RBMS3: variants seen among roughly 807,000 people sequenced by gnomAD.
RBMS3 encodes RNA binding motif single stranded interacting protein 3.
RBMS3 carries 27 observed loss-of-function variants against 66.8 expected under a neutral mutation model. The ratio of observed to expected loss-of-function variants is 0.40; its 90% CI spans 0.30 to 0.56. RBMS3 has a LOEUF of 0.56. Among genes scored for constraint, RBMS3 ranks in the 20% least tolerant of loss-of-function variants. The probability of loss-of-function intolerance (pLI) is 0.40; values close to 1 mark genes in which losing one functional copy is unlikely to be tolerated. For synonymous variants in RBMS3, 188 were observed against 183.0 expected (o/e 1.03, Z -0.22); for missense variants, 513 against 549.5 (o/e 0.93, Z 0.66).
chr3:29,448,820 C>A (rs1303996957), intron 2 of RBMS3, among the ~76,000 whole-genome samples: 2 of 152,166 alleles, frequency 1.3e-5, no homozygotes, highest in African/African-American at 2.4e-5. Context: ...ACCTTATATT[C>A]TTTTGCAACT....
chr3:29,539,767 CACATGCACAAAGTTCA>C, intron 3 of RBMS3, among the ~76,000 whole-genome samples: 1 of 152,276 alleles, frequency 6.6e-6, no homozygotes, highest in South Asian at 2.1e-4. Flanking sequence ...AGGAGTACCC[CACATGCACAAAGTTCA>C]ACATTATCAA....
intron 1 of RBMS3, among the ~76,000 whole-genome samples, chr3:29,336,361 C>T (rs2035947174): frequency 6.6e-6 from 1 of 152,064 alleles, no homozygotes; most frequent in African/African-American, 2.4e-5. Context: ...CATGAGTCAG[C>T]TTTTCCATCA....
At chr3:29,827,415 G>A (rs376190396) in intron 6 of RBMS3, among the ~76,000 whole-genome samples, 12 of 152,064 alleles carry the variant, frequency 7.9e-5, no homozygotes, top group Non-Finnish European at 1.5e-4. Flanking sequence ...GAAAATTATC[G>A]CCTTGTTTTC....
At chr3:29,803,284 C>T (rs988927954) in intron 6 of RBMS3, among the ~76,000 whole-genome samples, 1 of 152,086 alleles carries the variant, frequency 6.6e-6, no homozygotes, top group Non-Finnish European at 1.5e-5. Flanking sequence ...TAATAACCCG[C>T]GGCTATGCTT....
chr3:29,447,625 G>A (rs2125752919), intron 2 of RBMS3, among the ~76,000 whole-genome samples: 1 of 152,312 alleles, frequency 6.6e-6, no homozygotes, highest in East Asian at 1.9e-4. Context: ...GCACTTAAAT[G>A]AAGCCTGGCA....
intron 1 of RBMS3, among the ~76,000 whole-genome samples, chr3:29,430,667 T>A (rs1229485723): frequency 1.3e-5 from 2 of 152,210 alleles, no homozygotes; most frequent in Non-Finnish European, 2.9e-5. Context: ...GATCATCCTG[T>A]AGCTGGTGCT....
At chr3:29,644,854 A>G (rs2049858697) in intron 4 of RBMS3, among the ~76,000 whole-genome samples, 1 of 152,168 alleles carries the variant, frequency 6.6e-6, no homozygotes, top group African/African-American at 2.4e-5. Context: ...TAAAATGTTT[A>G]CCCAATAAAA....
intron 6 of RBMS3, among the ~76,000 whole-genome samples, chr3:29,795,770 C>A (rs1157756445): frequency 6.6e-6 from 1 of 152,142 alleles, no homozygotes; most frequent in East Asian, 1.9e-4. Flanking sequence ...CATTCCAATT[C>A]CAGAATTCTA....
At chr3:29,978,430 G>A (rs1291817221) in intron 12 of RBMS3, among the ~76,000 whole-genome samples, 1 of 151,836 alleles carries the variant, frequency 6.6e-6, no homozygotes, top group Admixed American at 6.6e-5. Context: ...TTCAAGTTCT[G>A]TTAGGTTTTC....
intron 4 of RBMS3, among the ~76,000 whole-genome samples, chr3:29,735,245 C>A (rs1559618720): frequency 6.6e-6 from 1 of 152,000 alleles, no homozygotes; most frequent in Non-Finnish European, 1.5e-5. Flanking sequence ...AAATGAATGA[C>A]AATAAATCTG....
At chr3:29,425,119 G>A (rs1490821045) in intron 1 of RBMS3, among the ~76,000 whole-genome samples, 13 of 149,906 alleles carry the variant, frequency 8.7e-5, no homozygotes, top group South Asian at 4.2e-4. Context: ...CGAGGTGGGC[G>A]GATCACAAGG....
At chr3:29,557,253 A>G (rs942741007) in intron 3 of RBMS3, among the ~76,000 whole-genome samples, 3 of 152,234 alleles carry the variant, frequency 2.0e-5, no homozygotes, top group African/African-American at 7.2e-5. Context: ...GAGAAGAATA[A>G]CAAAACAGAA....
intron 4 of RBMS3, among the ~76,000 whole-genome samples, chr3:29,687,287 C>A (rs1311131135): frequency 6.6e-6 from 1 of 152,174 alleles, no homozygotes; most frequent in Non-Finnish European, 1.5e-5. Context: ...TTAATCCAAC[C>A]CCTTTAGAAT....
chr3:29,708,016 C>T (rs555266788), intron 4 of RBMS3, among the ~76,000 whole-genome samples: 11 of 152,250 alleles, frequency 7.2e-5, no homozygotes, highest in South Asian at 4.1e-4. Flanking sequence ...GGTTACTGGT[C>T]GTAGGCCTGC....
intron 3 of RBMS3, among the ~76,000 whole-genome samples, chr3:29,582,149 TATAGATAGATAGATAG>T (rs3836342): frequency 5.9e-4 from 85 of 144,774 alleles, no homozygotes; most frequent in African/African-American, 1.9e-3. Flanking sequence ...AGAATTCCAT[TATAGATAGATAGATAG>T]ATAGATAGAT....
intron 1 of RBMS3, among the ~76,000 whole-genome samples, chr3:29,409,969 G>A (rs2040194216): frequency 6.6e-6 from 1 of 152,118 alleles, no homozygotes; most frequent in South Asian, 2.1e-4. Flanking sequence ...TGAGCCCTGG[G>A]AATGTTCACA....
chr3:29,316,071 T>A (rs975010183), intron 1 of RBMS3, among the ~76,000 whole-genome samples: 4 of 151,656 alleles, frequency 2.6e-5, no homozygotes, highest in Admixed American at 6.6e-5. Flanking sequence ...ATATTAAGAA[T>A]ATCTAAGAAC....
intron 4 of RBMS3, chr3:29,731,116 C>G: frequency 1.3e-6 from 1 of 767,102 alleles, no homozygotes; most frequent in Non-Finnish European, 1.6e-6. Flanking sequence ...CCAGCCCAAG[C>G]CTTAAAGAAT....
chr3:29,938,906 T>G (rs1374671147), intron 11 of RBMS3, among the ~76,000 whole-genome samples: 2 of 151,944 alleles, frequency 1.3e-5, no homozygotes, highest in Non-Finnish European at 2.9e-5. Flanking sequence ...CCCAGAGATG[T>G]TGTGAGTGTT....
Sources: allele counts gnomAD v4.1 joint callset (sites outside exome capture counted in the v4.1 genomes callset), GRCh38; gene constraint gnomAD v4.1.1; transcripts MANE v1.5; gene names NCBI Gene and HGNC (gene_info 2026-07-23, HGNC 2026-07-21).